The following YAP1 variants were observed in gnomAD, a reference collection of about 807,000 sequenced individuals.
YAP1 encodes the protein transcriptional coactivator YAP1.
YAP1 carries 5 observed loss-of-function variants against 56.9 expected under a neutral mutation model. The ratio of observed to expected loss-of-function variants is 0.09; its 90% CI spans 0.05 to 0.18. The LOEUF is 0.18. Ranked by LOEUF, YAP1 falls within the 10% of genes least tolerant of loss-of-function variation. The pLI is 1.00. For synonymous variants in YAP1, 265 were observed against 248.1 expected, an observed-to-expected ratio of 1.07 and a Z score of -0.64; for missense variants, 539 against 651.8, an observed-to-expected ratio of 0.83 and a Z score of 1.88.
At chr11:102,205,741 T>C (rs1949087208) in intron 4 of YAP1, 152 bp from the exon 5 acceptor site, 6 of 619,500 alleles carry the variant, frequency 9.7e-6, no homozygotes, top group African/African-American at 9.3e-5. Flanking sequence ...AATGTAGTCA[T>C]TGTGATATTG....
intron 3 of YAP1, among the ~76,000 whole-genome samples, chr11:102,182,670 C>T (rs1947695846): frequency 6.6e-6 from 1 of 152,110 alleles, no homozygotes; most frequent in Admixed American, 6.6e-5. Flanking sequence ...TCAGTTTTCT[C>T]TATCTTAATT....
intron 7 of YAP1, 72 bp from the exon 8 acceptor site, chr11:102,227,397 A>G (rs927578501): frequency 3.1e-6 from 3 of 975,036 alleles, no homozygotes; most frequent in Admixed American, 4.0e-5. Flanking sequence ...GCTGCTCAGC[A>G]GGTGTTTATT....
intron 6 of YAP1, among the ~76,000 whole-genome samples, chr11:102,217,752 G>A (rs1367543102): frequency 2.6e-5 from 4 of 151,876 alleles, no homozygotes; most frequent in Admixed American, 6.6e-5. Context: ...GTGCAATGGC[G>A]CAATCTCAGC....
At chr11:102,166,460 C>G (rs778914974) in intron 3 of YAP1, among the ~76,000 whole-genome samples, 18 of 152,296 alleles carry the variant, frequency 1.2e-4, no homozygotes, top group Middle Eastern at 3.4e-3. Flanking sequence ...CAAAAGGATG[C>G]TCTTCTCTAC....
intron 2 of YAP1, 67 bp from the exon 3 acceptor site, chr11:102,162,389 C>T: frequency 2.2e-6 from 3 of 1,393,780 alleles, no homozygotes; most frequent in Non-Finnish European, 3.0e-6. Context: ...ATTATGAGCC[C>T]ACAAGATAAG....
At chr11:102,161,382 ACACACT>A (rs1307918890) in intron 2 of YAP1, among the ~76,000 whole-genome samples, 8 of 149,074 alleles carry the variant, frequency 5.4e-5, no homozygotes, top group Middle Eastern at 3.4e-3. Context: ...ACACACACAC[ACACACT>A]AAACAATTAG....
At position 102,227,494 on chromosome 11, in the gene YAP1, A is replaced by G; in HGVS notation, c.1189A>G (p.Ser397Gly). ...NSGTYHSRDE[S>G]TDSGLSMSSY... ...TGGCACCTATCACTCTCGAGATGAG[A>G]GTACAGACAGTGGACTAAGCATGAG... Residue 397 changes from serine (S) to glycine (G), a missense_variant, in exon 8 of 9, where the codon AGT becomes GGT. Physicochemically the swap from Ser to Gly is moderately conservative, Grantham distance 56. Around this residue, in one of 4 missense-constraint regions of YAP1, gnomAD observed 414 missense variants for 512.4 expected, o/e 0.81. Transcript: ENST00000282441. The G allele has an allele frequency of 6.2e-7, 1 of 1,613,828 alleles. No individual in the cohort carries two copies. The highest frequency in any genetic ancestry group is 8.5e-7 in the Non-Finnish European group (1 of 1,179,894).
intron 2 of YAP1, among the ~76,000 whole-genome samples, chr11:102,123,419 G>A (rs982987761): frequency 1.3e-5 from 2 of 151,958 alleles, no homozygotes; most frequent in Admixed American, 1.3e-4. Context: ...TATGGGTTGG[G>A]TACCCAATTT....
intron 1 of YAP1, among the ~76,000 whole-genome samples, chr11:102,111,687 C>T (rs2135093089): frequency 6.6e-6 from 1 of 152,288 alleles, no homozygotes; most frequent in East Asian, 1.9e-4. Flanking sequence ...AGCCCTGGGC[C>T]CCTTTCCTTT....
At chr11:102,152,388 A>T (rs1945705958) in intron 2 of YAP1, among the ~76,000 whole-genome samples, 1 of 152,222 alleles carries the variant, frequency 6.6e-6, no homozygotes, top group African/African-American at 2.4e-5. Context: ...GAGGTGACAC[A>T]TAAGGCAGTG....
chr11:102,122,415 ACT>A (rs1943714500), intron 2 of YAP1, among the ~76,000 whole-genome samples: 1 of 132,974 alleles, frequency 7.5e-6, no homozygotes, highest in Non-Finnish European at 1.5e-5. Context: ...ACAGAGCCAG[ACT>A]CTGTCTCAAA....
At chr11:102,179,376 G>C (rs769826082) in intron 3 of YAP1, among the ~76,000 whole-genome samples, 1 of 152,122 alleles carries the variant, frequency 6.6e-6, no homozygotes, top group South Asian at 2.1e-4. Flanking sequence ...CCAATCTAGA[G>C]GTTGTCATGA....
At chr11:102,130,238 G>A (rs1326175549) in intron 2 of YAP1, among the ~76,000 whole-genome samples, 1 of 151,964 alleles carries the variant, frequency 6.6e-6, no homozygotes, top group Non-Finnish European at 1.5e-5. Context: ...GAACAGAATT[G>A]GTACACCTTA....
At chr11:102,162,981 T>A (rs1946383540) in intron 3 of YAP1, among the ~76,000 whole-genome samples, 1 of 38,404 alleles carries the variant, frequency 2.6e-5, no homozygotes, top group Admixed American at 6.0e-4. Context: ...TATTATTTTT[T>A]TTTTCATTTT....
chr11:102,199,496 T>C (rs1449423822), intron 4 of YAP1, among the ~76,000 whole-genome samples: 1 of 152,242 alleles, frequency 6.6e-6, no homozygotes. Context: ...CCATTTACTT[T>C]TTATAAAGCC....
rs184644885 is a variant in YAP1 at position 102,229,959 on chromosome 11, A to T, written c.*19A>T. On this transcript the variant is annotated 3_prime_UTR_variant, in exon 9 of 9. Transcript: ENST00000282441. Reference sequence around the variant, plus strand: ...GTTATAGAGCCCTCAGGCAGACTGAATTCTAAATCTGTGAAGGATCTAAGG... The same window carrying T: ...GTTATAGAGCCCTCAGGCAGACTGATTTCTAAATCTGTGAAGGATCTAAGG... The T allele has an allele frequency of 6.5e-5, 104 of 1,604,410 alleles. No homozygotes were observed. In the African/African-American group the frequency reaches 9.5e-4, roughly 15 times the overall value.
intron 2 of YAP1, among the ~76,000 whole-genome samples, chr11:102,137,021 A>C (rs1011379759): frequency 4.6e-5 from 7 of 152,242 alleles, no homozygotes; most frequent in African/African-American, 1.7e-4. Context: ...AAATTCTGAG[A>C]TTGCAATGAA....
chr11:102,187,737 A>C (rs897427902), intron 4 of YAP1, among the ~76,000 whole-genome samples: 5 of 152,198 alleles, frequency 3.3e-5, no homozygotes, highest in Admixed American at 3.3e-4. Flanking sequence ...CTGTAAGCTT[A>C]AGTAGACTAT....
At chr11:102,222,315 C>T (rs1345050555) in intron 6 of YAP1, among the ~76,000 whole-genome samples, 2 of 152,052 alleles carry the variant, frequency 1.3e-5, no homozygotes, top group Admixed American at 6.6e-5. Context: ...GGAAAGAAAG[C>T]TGATGGTCTA....
Sources: gnomAD v4.1 joint callset for allele counts (sites outside exome capture counted in the v4.1 genomes callset) on GRCh38, gnomAD v4.1.1 for gene constraint, gnomAD v4.1.1 regional missense constraint, MANE v1.5 for transcripts, NCBI Gene and HGNC (gene_info 2026-07-23, HGNC 2026-07-21) for gene names.